EHHADH: variants seen among roughly 807,000 people sequenced by gnomAD.
The protein encoded by EHHADH is peroxisomal bifunctional enzyme.
Under a neutral mutation model 64.4 loss-of-function variants are expected in EHHADH, and 48 were observed. The observed-to-expected ratio is 0.75, with a 90% CI of 0.59 to 0.95. The LOEUF (loss-of-function observed/expected upper bound fraction) is 0.95. Ranked by LOEUF, EHHADH falls within the 40% of genes least tolerant of loss-of-function variation. The pLI is 0.00. For missense variants in EHHADH, 854 were observed against 876.6 expected (o/e 0.97, Z 0.33); for synonymous variants, 308 against 326.7 (o/e 0.94, Z 0.62).
intron 5 of EHHADH, among the ~76,000 whole-genome samples, chr3:185,212,458 G>A (rs1303143037): frequency 2.0e-5 from 3 of 152,110 alleles, no homozygotes; most frequent in African/African-American, 7.2e-5. Context: ...ACTCGTAATT[G>A]GTTCCAAAAG....
At chr3:185,215,233 G>A (rs1373889843) in intron 5 of EHHADH, among the ~76,000 whole-genome samples, 3 of 152,146 alleles carry the variant, frequency 2.0e-5, no homozygotes, top group Non-Finnish European at 4.4e-5. Flanking sequence ...ACAAAGACTT[G>A]TGTAGGCCCA....
intron 6 of EHHADH, among the ~76,000 whole-genome samples, chr3:185,201,467 G>T (rs1377976379): frequency 3.9e-5 from 6 of 152,188 alleles, no homozygotes; most frequent in Admixed American, 3.9e-4. Context: ...CATGGAGTGT[G>T]GGAGAAGCGG....
Position 185,202,126 on chromosome 3 carries a change from T to C in EHHADH, c.910+2290A>G, listed in dbSNP as rs550898801. On this transcript the variant is annotated intron_variant, in intron 6 of 6. Transcript: ENST00000231887. The stretch of plus-strand genomic sequence containing the variant: ...GCCAAGGTGGGCGGATCACCTGAGG[T>C]CAGAGGTTCAAGACCAGCCTGGACA... 3.2e-3 allele frequency among the ~76,000 whole-genome samples: 486 copies of C among 152,234 alleles called. 1 individual carries two copies. Among genetic ancestry groups the C allele is most frequent in the Non-Finnish European group, 5.6e-3 (384 of 68,010 alleles).
chr3:185,239,382 C>T (rs144359511), intron 2 of EHHADH, among the ~76,000 whole-genome samples: 1 of 152,226 alleles, frequency 6.6e-6, no homozygotes, highest in East Asian at 1.9e-4. Flanking sequence ...GCAGTATGTC[C>T]ATTTTAACAA....
At chr3:185,215,581 TTA>T (rs1023915134) in intron 5 of EHHADH, among the ~76,000 whole-genome samples, 12 of 152,138 alleles carry the variant, frequency 7.9e-5, no homozygotes, top group African/African-American at 2.9e-4. Flanking sequence ...GTGGCCATGG[TTA>T]TACAACTGTA....
chr3:185,224,680 G>A (rs1440304047), intron 4 of EHHADH, among the ~76,000 whole-genome samples: 1 of 152,102 alleles, frequency 6.6e-6, no homozygotes, highest in Non-Finnish European at 1.5e-5. Flanking sequence ...GATGTCAAAA[G>A]TCTAAAACAG....
chr3:185,224,068 C>A (rs1272999100), intron 4 of EHHADH, among the ~76,000 whole-genome samples: 2 of 152,140 alleles, frequency 1.3e-5, no homozygotes, highest in African/African-American at 4.8e-5. Flanking sequence ...GGTTAGCCAC[C>A]TAAATCTATT....
intron 2 of EHHADH, chr3:185,246,244 C>G: frequency 1.1e-6 from 1 of 894,750 alleles, no homozygotes; most frequent in Non-Finnish European, 1.8e-6. Flanking sequence ...TCTAGATCAT[C>G]AGAAGCATCG....
rs1464929332 is a variant in EHHADH, at chr3:185,191,536, T to C, written c.*690A>G. On this transcript the variant is annotated 3_prime_UTR_variant, in exon 7 of 7. Transcript: ENST00000231887. ...ATTTTTCAAGATTCAACCATTTCCA[T>C]ATGTAACATCACAGAGGCTTGTCAT... 3.3e-5 allele frequency: 5 copies of C among 152,210 alleles called. No individual in the cohort carries two copies. Among genetic ancestry groups the C allele is most frequent in the Non-Finnish European group, 5.9e-5 (4 of 68,044 alleles). The allele number at this position is 152,210 out of a possible 1,614,324, so 9.4% of individuals were successfully genotyped here. A position where few individuals can be genotyped will look rare whatever the true frequency, so the allele number is the denominator to read the frequency against.
chr3:185,228,346 T>C (rs927676853), intron 4 of EHHADH, among the ~76,000 whole-genome samples: 5 of 147,950 alleles, frequency 3.4e-5, no homozygotes, highest in Non-Finnish European at 7.4e-5. Flanking sequence ...TCTAGTGTTG[T>C]AGTGTTCACA....
intron 3 of EHHADH, among the ~76,000 whole-genome samples, chr3:185,234,882 T>C (rs562139349): frequency 6.6e-6 from 1 of 152,274 alleles, no homozygotes; most frequent in South Asian, 2.1e-4. Flanking sequence ...AAGCTAACCA[T>C]TCAAAATTAT....
chr3:185,212,283 A>C (rs972391055), intron 5 of EHHADH, among the ~76,000 whole-genome samples: 9 of 152,236 alleles, frequency 5.9e-5, no homozygotes, highest in African/African-American at 2.2e-4. Flanking sequence ...AATCCATTGC[A>C]CTGCAGTAGT....
chr3:185,251,377 G>A (rs1250089239), intron 1 of EHHADH, among the ~76,000 whole-genome samples: 4 of 152,144 alleles, frequency 2.6e-5, no homozygotes, highest in African/African-American at 9.7e-5. Flanking sequence ...TTTCGGTTAC[G>A]TGTTTGTATG....
chr3:185,246,422 A>T (rs1176349984), intron 2 of EHHADH: 4 of 541,948 alleles, frequency 7.4e-6, no homozygotes, highest in Non-Finnish European at 1.2e-5. Context: ...AGGATCAAAA[A>T]TCATCTCATC....
intron 6 of EHHADH, among the ~76,000 whole-genome samples, chr3:185,196,191 C>T (rs2108624711): frequency 6.6e-6 from 1 of 152,280 alleles, no homozygotes; most frequent in East Asian, 1.9e-4. Context: ...GTGTAGTTCT[C>T]CTGCTTTGTG....
intron 4 of EHHADH, among the ~76,000 whole-genome samples, chr3:185,219,596 T>A (rs13094710): frequency 0.012 from 1,844 of 152,318 alleles, 22 homozygotes; most frequent in Non-Finnish European, 0.022. Flanking sequence ...TGCAATTTGA[T>A]CTGCATATTC....
intron 5 of EHHADH, among the ~76,000 whole-genome samples, chr3:185,211,623 G>T (rs1560011269): frequency 6.6e-6 from 1 of 152,120 alleles, no homozygotes; most frequent in African/African-American, 2.4e-5. Context: ...GCTTTGCAAA[G>T]GACAGACAGA....
At chr3:185,202,783 A>T (rs1718265196) in intron 6 of EHHADH, among the ~76,000 whole-genome samples, 1 of 152,094 alleles carries the variant, frequency 6.6e-6, no homozygotes, top group African/African-American at 2.4e-5. Flanking sequence ...TCATCCCCCA[A>T]TCCGTGAAAA....
intron 5 of EHHADH, among the ~76,000 whole-genome samples, chr3:185,210,471 T>C (rs181363117): frequency 6.6e-6 from 1 of 151,936 alleles, no homozygotes; most frequent in Non-Finnish European, 1.5e-5. Context: ...CCGTCTCTAC[T>C]AAAAATACAA....
Sources: gnomAD v4.1 joint callset for allele counts (sites outside exome capture counted in the v4.1 genomes callset) on GRCh38, gnomAD v4.1.1 for gene constraint, MANE v1.5 for transcripts, NCBI Gene and HGNC (gene_info 2026-07-23, HGNC 2026-07-21) for gene names.